ZFHX3: variants seen among roughly 807,000 people sequenced by gnomAD.
ZFHX3 encodes the protein zinc finger homeobox protein 3.
Under a neutral mutation model 279.1 loss-of-function variants are expected in ZFHX3, and 42 were observed. The ratio of observed to expected loss-of-function variants is 0.15; its 90% CI spans 0.12 to 0.19. The LOEUF (loss-of-function observed/expected upper bound fraction) is 0.19, where lower values mean the gene tolerates loss of function less well. Among genes scored for constraint, ZFHX3 ranks in the 10% least tolerant of loss-of-function variants. The pLI, the probability that ZFHX3 is intolerant of heterozygous loss-of-function variation, is 1.00. For synonymous variants in ZFHX3, 2,293 were observed against 1,957.8 expected (o/e 1.17, Z -4.52); for missense variants, 4,981 against 4,754.0 (o/e 1.05, Z -1.40).
intron 2 of ZFHX3, among the ~76,000 whole-genome samples, chr16:73,478,555 AAG>A (rs1597351158): frequency 2.0e-5 from 3 of 152,210 alleles, no homozygotes; most frequent in African/African-American, 7.2e-5. Context: ...CCTATATATT[AAG>A]AGTCTCGGGT....
At chr16:73,810,267 T>C (rs1812899545) in intron 1 of ZFHX3, among the ~76,000 whole-genome samples, 3 of 152,200 alleles carry the variant, frequency 2.0e-5, no homozygotes, top group Non-Finnish European at 4.4e-5. Context: ...TCTCTTGCCA[T>C]TTTTAATAAA....
chr16:73,566,807 T>A (rs961730122), intron 2 of ZFHX3, among the ~76,000 whole-genome samples: 6 of 151,604 alleles, frequency 4.0e-5, no homozygotes, highest in Non-Finnish European at 7.4e-5. Flanking sequence ...CAAGCAGTTC[T>A]CCTGCCTCAG....
At chr16:73,401,774 T>C (rs999183166) in intron 3 of ZFHX3, 1 of 152,238 alleles carries the variant, frequency 6.6e-6, no homozygotes, top group Non-Finnish European at 1.5e-5. Flanking sequence ...CCTATCATTC[T>C]GCATAGATAA....
intron 2 of ZFHX3, among the ~76,000 whole-genome samples, chr16:73,558,957 T>C (rs2020329215): frequency 6.6e-6 from 1 of 151,862 alleles, no homozygotes; most frequent in African/African-American, 2.4e-5. Flanking sequence ...TCAAGTGATC[T>C]GCCCGCCTCA....
chr16:73,635,200 C>A (rs981846690), intron 2 of ZFHX3, among the ~76,000 whole-genome samples: 2 of 152,080 alleles, frequency 1.3e-5, no homozygotes, highest in Non-Finnish European at 2.9e-5. Context: ...AGGCAAAGAT[C>A]TTTATATGGT....
intron 2 of ZFHX3, among the ~76,000 whole-genome samples, chr16:73,549,372 C>A (rs1449733998): frequency 6.6e-6 from 1 of 151,926 alleles, no homozygotes; most frequent in African/African-American, 2.4e-5. Flanking sequence ...CATCACAATT[C>A]TTGTTGGGTG....
At chr16:73,262,168 A>G (rs12325107) in intron 4 of ZFHX3, among the ~76,000 whole-genome samples, 43,900 of 152,168 alleles carry the variant, frequency 0.29, 7,253 homozygotes, top group Non-Finnish European at 0.39. Flanking sequence ...ATATTTGTGA[A>G]TGAAAGAATG....
At chr16:72,976,909 C>T (rs117219049) in intron 1 of ZFHX3, among the ~76,000 whole-genome samples, 2,549 of 152,302 alleles carry the variant, frequency 0.017, 31 homozygotes, top group Non-Finnish European at 0.029. Flanking sequence ...CTAACCCCCA[C>T]GGGGGTCTCG....
At position 73,684,336 on chromosome 16, in the gene ZFHX3, T is replaced by TTGTG. The variant is rs10637195; in HGVS notation, c.-1607-4100_-1607-4097dup. Among the ~76,000 whole-genome samples the TTGTG allele has an allele frequency of 2.6e-3, 384 of 149,808 alleles. 1 individual carries two copies. The highest frequency in any genetic ancestry group is 7.6e-3 in the African/African-American group (312 of 40,910). The stretch of plus-strand genomic sequence containing the variant: ...ATTTTGATATGGCATGTGTGTGTGT[T>TTGTG]TGTGTGTGTGTGTGTGTGTATGTGT... On this transcript the variant is annotated intron_variant, in intron 1 of 17. Transcript: ENST00000641206.
At chr16:73,567,882 A>C (rs1162736353) in intron 2 of ZFHX3, among the ~76,000 whole-genome samples, 1 of 152,126 alleles carries the variant, frequency 6.6e-6, no homozygotes, top group Admixed American at 6.5e-5. Context: ...TTTTTTCTCA[A>C]AAGGACATTG....
At chr16:73,066,548 C>T (rs935100314) in intron 8 of ZFHX3, among the ~76,000 whole-genome samples, 1 of 152,138 alleles carries the variant, frequency 6.6e-6, no homozygotes, top group African/African-American at 2.4e-5. Flanking sequence ...CCAGGCGCCC[C>T]TCACAGGTGC....
At chr16:73,590,275 A>C (rs1432060832) in intron 2 of ZFHX3, among the ~76,000 whole-genome samples, 3 of 152,228 alleles carry the variant, frequency 2.0e-5, no homozygotes, top group Non-Finnish European at 4.4e-5. Context: ...CCAATGAGCA[A>C]GTCTAACATC....
chr16:73,623,593 A>G (rs1000543179), intron 2 of ZFHX3, among the ~76,000 whole-genome samples: 1 of 152,206 alleles, frequency 6.6e-6, no homozygotes, highest in Non-Finnish European at 1.5e-5. Context: ...CCTAAAATGG[A>G]GGTAATAGGT....
intron 3 of ZFHX3, among the ~76,000 whole-genome samples, chr16:73,410,988 G>A (rs888071778): frequency 6.6e-6 from 1 of 152,256 alleles, no homozygotes; most frequent in African/African-American, 2.4e-5. Context: ...TCATCCCACC[G>A]ACATAGCACA....
intron 5 of ZFHX3, among the ~76,000 whole-genome samples, chr16:73,177,800 A>T (rs1412450765): frequency 6.6e-6 from 1 of 152,248 alleles, no homozygotes; most frequent in African/African-American, 2.4e-5. Context: ...AGGAATTTAT[A>T]GCTTAGTGGA....
At chr16:73,704,516 C>T (rs1057036744) in intron 1 of ZFHX3, among the ~76,000 whole-genome samples, 7 of 152,176 alleles carry the variant, frequency 4.6e-5, no homozygotes, top group African/African-American at 9.7e-5. Flanking sequence ...CCCAGACAGC[C>T]GCACTGTACT....
intron 1 of ZFHX3, among the ~76,000 whole-genome samples, chr16:73,041,511 G>A (rs1567646886): frequency 2.6e-5 from 4 of 151,796 alleles, no homozygotes; most frequent in Admixed American, 6.6e-5. Flanking sequence ...AACCAACAGG[G>A]GCCCAGGTAA....
rs867582243 is a variant in ZFHX3 at position 73,001,133 on chromosome 16, C to T, written c.-49-40939G>A. 8.5e-5 allele frequency among the ~76,000 whole-genome samples: 13 copies of T among 152,310 alleles called. No individual in the cohort carries two copies. The Middle Eastern group carries it at 0.01, about 120-fold the overall frequency. On this transcript the variant is annotated intron_variant, in intron 1 of 9. Transcript: ENST00000268489. ...TTCTGAGATGAGGCTGCAAAGAAAC[C>T]GTCATTTTAGTCATCTGCACCCTTC...
intron 7 of ZFHX3, among the ~76,000 whole-genome samples, chr16:73,108,122 C>T (rs1966326738): frequency 1.3e-5 from 2 of 152,132 alleles, no homozygotes; most frequent in Non-Finnish European, 2.9e-5. Context: ...GATTGTGCCA[C>T]TGCACTCCAG....
Sources: allele counts gnomAD v4.1 joint callset (sites outside exome capture counted in the v4.1 genomes callset), GRCh38; gene constraint gnomAD v4.1.1; transcripts MANE v1.5; gene names NCBI Gene and HGNC (gene_info 2026-07-23, HGNC 2026-07-21).